Variants in SPATC1 observed in about 807,000 individuals in gnomAD.
The protein encoded by SPATC1 is speriolin.
In SPATC1, 35 loss-of-function variants were observed where a neutral mutation model predicts 36.5. That is an observed-to-expected ratio of 0.96 (90% CI 0.73 to 1.27). The LOEUF is 1.27. SPATC1 is among the 50% of genes most tolerant of loss of function. SPATC1 has a pLI of 0.00. For missense variants in SPATC1, 779 were observed against 796.0 expected (o/e 0.98, Z 0.26); for synonymous variants, 361 against 353.6 (o/e 1.02, Z -0.24).
chr8:144,023,522 C>G (rs1365155010), intron 1 of SPATC1, among the ~76,000 whole-genome samples: 1 of 135,386 alleles, frequency 7.4e-6, no homozygotes, highest in East Asian at 2.1e-4. Context: ...TGTCTCCCCT[C>G]GTGGCCCTCT....
chr8:144,017,393 C>T (rs2133099804), intron 1 of SPATC1, among the ~76,000 whole-genome samples: 1 of 152,290 alleles, frequency 6.6e-6, no homozygotes, highest in South Asian at 2.1e-4. Context: ...CCCTTATGCT[C>T]TGTGCACAGC....
At chr8:144,015,042 ATTT>A (rs1162178995) in intron 1 of SPATC1, among the ~76,000 whole-genome samples, 2 of 148,196 alleles carry the variant, frequency 1.3e-5, no homozygotes, top group African/African-American at 4.9e-5. Context: ...AATATTTAAA[ATTT>A]TTTTTTTTTT....
At chr8:144,025,376 G>C (rs1834656620) in intron 1 of SPATC1, among the ~76,000 whole-genome samples, 1 of 152,158 alleles carries the variant, frequency 6.6e-6, no homozygotes, top group Non-Finnish European at 1.5e-5. Context: ...TCAATTGTTT[G>C]ATGTACCAAA....
At chr8:144,021,289 T>C (rs1834526921) in intron 1 of SPATC1, among the ~76,000 whole-genome samples, 6 of 146,616 alleles carry the variant, frequency 4.1e-5, no homozygotes, top group Non-Finnish European at 7.6e-5. Flanking sequence ...CAGGTCCCTC[T>C]CCCCTCAGGA....
Position 144,012,300 on chromosome 8 carries a change from G to A in SPATC1, c.-216G>A. 1 of 576,880 alleles carries A rather than the reference G, an allele frequency of 1.7e-6. No individual in the cohort carries two copies. The highest frequency in any genetic ancestry group is 3.1e-6 in the Non-Finnish European group (1 of 322,982). 35.7% of individuals were successfully genotyped at this position (576,880 alleles called of 1,614,324 possible). On this transcript the variant is annotated 5_prime_UTR_variant, in exon 1 of 5. Coordinates refer to ENST00000377470, the MANE Select transcript of SPATC1 (RefSeq NM_198572.3). ...TCAGGACATTCCAGGCCGAGGCAAG[G>A]CCTGTGTACAGGCCTGGTGGCATGG...
In SPATC1 at chr8:144,046,122, G is replaced by A. The variant is rs1439870881; in HGVS notation, c.1447-505G>A. On this transcript the variant is annotated intron_variant, in intron 4 of 4. Transcript: ENST00000377470. This position sits in a 1 kb window ranked among gnomAD's most constrained non-coding sequence, Gnocchi z 6.6. ...GGGGAGGAAAGGGAGTCCCCTAGGG[G>A]GTGTGCAGGCTAGAGGGTGCTGAGG... Among the ~76,000 whole-genome samples, 4 of 152,254 alleles carry A rather than the reference G, an allele frequency of 2.6e-5. No individual in the cohort carries two copies. In the East Asian group the frequency reaches 7.7e-4, roughly 29 times the overall value.
intron 4 of SPATC1, among the ~76,000 whole-genome samples, chr8:144,042,312 T>TATA (rs1491347915): frequency 1.7e-3 from 60 of 35,028 alleles, no homozygotes; most frequent in East Asian, 2.3e-3. Context: ...TATATATATA[T>TATA]TTTTTTTTTT....
chr8:144,011,648 C>T (rs1477199107), upstream of SPATC1, among the ~76,000 whole-genome samples: 1 of 152,124 alleles, frequency 6.6e-6, no homozygotes, highest in Non-Finnish European at 1.5e-5. The surrounding 1 kb of genome is among the most constrained non-coding windows in gnomAD (Gnocchi z 4.5). Context: ...ATCATGAGGA[C>T]TGAGTCCTGA....
rs782666456 is a variant in SPATC1 at position 144,039,984 on chromosome 8, C to T, written c.287C>T (p.Pro96Leu). 24 of 1,613,974 alleles carry T rather than the reference C, an allele frequency of 1.5e-5. No individual in the cohort carries two copies. In the South Asian group the frequency reaches 2.6e-4, roughly 18 times the overall value. Residue 96 changes from proline (P) to leucine (L), a missense_variant, in exon 2 of 5, where the codon CCC becomes CTC. Transcript: ENST00000377470. ...GAAGTGGGGATCATGGCCTTGGCAC[C>T]CCTGGCCGAGATGCTAACCAGCTTG... ...LEEVGIMALA[P>L]LAEMLTSLQP...
intron 1 of SPATC1, among the ~76,000 whole-genome samples, chr8:144,018,803 G>T (rs1341796444): frequency 1.3e-5 from 2 of 150,828 alleles, no homozygotes; most frequent in Admixed American, 6.6e-5. Flanking sequence ...AGGCCGAGCC[G>T]GGCAGATGAC....
rs906357027 is a variant in SPATC1 at position 144,033,959 on chromosome 8, G to C, written c.212-5950G>C. ...TGGGGAGATAGTCCTTGGGCTCCCTGCTCTACCTGAAAGAGCTGAGGTTGC... is the reference window on the plus strand; with the variant it reads ...TGGGGAGATAGTCCTTGGGCTCCCTCCTCTACCTGAAAGAGCTGAGGTTGC... On this transcript the variant is annotated intron_variant, in intron 1 of 4. Transcript: ENST00000377470. Among the ~76,000 whole-genome samples the C allele has an allele frequency of 5.4e-3, 827 of 152,318 alleles. 4 individuals carry two copies. Among genetic ancestry groups the C allele is most frequent in the African/African-American group, 0.018 (763 of 41,568 alleles).
chr8:144,018,529 T>C (rs1423721620), intron 1 of SPATC1, among the ~76,000 whole-genome samples: 1 of 151,736 alleles, frequency 6.6e-6, no homozygotes, highest in African/African-American at 2.4e-5. Context: ...ATACGCAAGA[T>C]AAAAGAGGTA....
intron 1 of SPATC1, among the ~76,000 whole-genome samples, chr8:144,029,741 A>C (rs1834757509): frequency 6.6e-6 from 1 of 152,122 alleles, no homozygotes; most frequent in Admixed American, 6.5e-5. Context: ...CATCCTGGAG[A>C]ATGTTTCATG....
intron 1 of SPATC1, among the ~76,000 whole-genome samples, chr8:144,020,803 C>T (rs1834504795): frequency 7.0e-6 from 1 of 142,422 alleles, no homozygotes; most frequent in Non-Finnish European, 1.5e-5. Flanking sequence ...CCATCAAAAC[C>T]CTCTCCCCTC....
At position 144,040,569 on chromosome 8, in the gene SPATC1, C is replaced by G; in HGVS notation, c.768C>G (p.Val256=). Residue 256 remains valine, a splice_region_variant and synonymous_variant, in exon 3 of 5, where the codon GTC becomes GTG. Transcript: ENST00000377470. ...TTTCTGTTCCCTCCACATCACTAGT[C>G]CCACTCTCCACTGAGCCCCCCCAGT... ...ACVVPTATTK[V]PLSTEPPQST... 6.3e-7 allele frequency: 1 copy of G among 1,587,914 alleles called. No individual in the cohort carries two copies. Among genetic ancestry groups the G allele is most frequent in the Non-Finnish European group, 8.6e-7 (1 of 1,167,260 alleles).
In SPATC1 at chr8:144,040,421, C is replaced by A. The variant is rs1554755647; in HGVS notation, c.724C>A (p.Pro242Thr). 1.9e-6 allele frequency: 3 copies of A among 1,608,176 alleles called. No homozygotes were observed. Among genetic ancestry groups the A allele is most frequent in the Admixed American group, 1.7e-5 (1 of 59,258 alleles). Reference protein sequence around the residue: ...AEPLRGGPTGPQSPACVVPTA... With the variant: ...AEPLRGGPTGTQSPACVVPTA... Reference sequence around the variant, plus strand: ...GCCACTCCGCGGAGGCCCCACTGGGCCCCAGTCCCCAGCTTGCGTGGTACC... The same window carrying A: ...GCCACTCCGCGGAGGCCCCACTGGGACCCAGTCCCCAGCTTGCGTGGTACC... Residue 242 changes from proline (P) to threonine (T), a missense_variant, in exon 2 of 5, where the codon CCC becomes ACC. Coordinates refer to ENST00000377470, the MANE Select transcript of SPATC1 (RefSeq NM_198572.3).
chr8:144,016,079 GA>G lies in SPATC1; in HGVS notation c.211+3359del, dbSNP rs1338480006. On this transcript the variant is annotated intron_variant, in intron 1 of 4. Coordinates refer to ENST00000377470, the MANE Select transcript of SPATC1 (RefSeq NM_198572.3). This position sits in a 1 kb window ranked among gnomAD's most constrained non-coding sequence, Gnocchi z 4.5. ...GACTCTGTCTCAAAAAAAAAAAAAA[GA>G]AAAAAGAAAGAAAGAAAGAAAAGAA... 2.8e-5 allele frequency among the ~76,000 whole-genome samples: 4 copies of G among 144,990 alleles called. No individual in the cohort carries two copies. Among genetic ancestry groups the G allele is most frequent in the Non-Finnish European group, 6.0e-5 (4 of 66,130 alleles).
At chr8:144,015,206 ATTT>A (rs202062443) in intron 1 of SPATC1, among the ~76,000 whole-genome samples, 1 of 141,368 alleles carries the variant, frequency 7.1e-6, no homozygotes, top group Non-Finnish European at 1.5e-5. Flanking sequence ...CTCCTGGCTA[ATTT>A]TTTTTTTTTT....
intron 4 of SPATC1, among the ~76,000 whole-genome samples, chr8:144,042,305 ATATATATTTTT>A (rs1223481263): frequency 1.8e-5 from 1 of 54,750 alleles, no homozygotes; most frequent in Non-Finnish European, 2.9e-5. Context: ...ATATATATAT[ATATATATTTTT>A]TTTTTTTTTT....
Sources: gnomAD v4.1 joint callset for allele counts (sites outside exome capture counted in the v4.1 genomes callset) on GRCh38, gnomAD v4.1.1 for gene constraint, Gnocchi (gnomAD v3.1) non-coding constraint, MANE v1.5 for transcripts, NCBI Gene and HGNC (gene_info 2026-07-23, HGNC 2026-07-21) for gene names.